The following TBC1D10B variants were observed in gnomAD, a reference collection of about 807,000 sequenced individuals.
TBC1D10B encodes the protein Rab27A-GAPbeta.
Under a neutral mutation model 78.4 loss-of-function variants are expected in TBC1D10B, and 25 were observed. The ratio of observed to expected loss-of-function variants is 0.32; its 90% CI spans 0.23 to 0.45. TBC1D10B has a LOEUF of 0.45. Ranked by LOEUF, TBC1D10B falls within the 20% of genes least tolerant of loss-of-function variation. The pLI is 1.00. For synonymous variants in TBC1D10B, 517 were observed against 478.0 expected (o/e 1.08, Z -1.06); for missense variants, 996 against 1,104.8 (o/e 0.90, Z 1.40).
intron 7 of TBC1D10B, 157 bp from the exon 8 acceptor site, chr16:30,358,974 GGATCTTGGCAGGGA>G (rs2049580593): frequency 8.1e-7 from 1 of 1,237,566 alleles, no homozygotes; most frequent in Non-Finnish European, 1.1e-6. Flanking sequence ...ATCAGTCTCA[GGATCTTGGCAGGGA>G]GAGCAGGCTC....
At position 30,369,866 on chromosome 16, in the gene TBC1D10B, G is replaced by A. The variant is rs2151103931; in HGVS notation, c.318C>T (p.Pro106=). Residue 106 remains proline, a synonymous_variant, in exon 1 of 9, where the codon CCC becomes CCT. Transcript: ENST00000409939. The surrounding 1 kb of genome is among the most constrained non-coding windows in gnomAD (Gnocchi z 4.3). ...CGGGCTCTGGGGATTCCGGGCCGGA[G>A]GGGAGCTGCGGCTTTGGGGCTTCGG... ...ASPEAPKPQL[P]SGPESPEPAA... 6 of 1,402,028 alleles carry A rather than the reference G, an allele frequency of 4.3e-6. No homozygotes were observed. Among genetic ancestry groups the A allele is most frequent in the Non-Finnish European group, 5.5e-6 (6 of 1,081,340 alleles). The allele number at this position is 1,402,028 out of a possible 1,614,324, so 86.8% of individuals were successfully genotyped here. A position where few individuals can be genotyped will look rare whatever the true frequency, so the allele number is the denominator to read the frequency against.
chr16:30,359,446 C>T (rs1431879878), intron 6 of TBC1D10B, 85 bp from the exon 7 acceptor site: 1 of 1,545,860 alleles, frequency 6.5e-7, no homozygotes, highest in Non-Finnish European at 8.8e-7. Flanking sequence ...TGGGCAGAAG[C>T]CGGGAAGGCC....
chr16:30,359,285 CGCAGGTGGCGAT>C lies in TBC1D10B; in HGVS notation c.1517_1528del (p.His506_Leu509del). The C allele has an allele frequency of 6.2e-7, 1 of 1,607,368 alleles. No individual in the cohort carries two copies. Among genetic ancestry groups the C allele is most frequent in the Non-Finnish European group, 8.5e-7 (1 of 1,177,034 alleles). On this transcript the variant is annotated inframe_deletion, in exon 7 of 9. Coordinates refer to ENST00000409939, the MANE Select transcript of TBC1D10B (RefSeq NM_015527.4). ...GAGCACAGGGTCAATGCGCTGCCGC[CGCAGGTGGCGAT>C]GCGCCAGCGGGGAGGCCCGGCGCAG...
At chr16:30,359,984 C>T in intron 4 of TBC1D10B, 143 bp from the exon 5 acceptor site, 2 of 767,350 alleles carry the variant, frequency 2.6e-6, no homozygotes, top group Non-Finnish European at 4.2e-6. Context: ...CAGCTAAAGG[C>T]TCAGCCCACA....
At chr16:30,362,535 T>TG (rs35084919) in intron 4 of TBC1D10B, among the ~76,000 whole-genome samples, 45,487 of 152,078 alleles carry the variant, frequency 0.3, 9,138 homozygotes, top group East Asian at 0.82. Flanking sequence ...GCTCAATTGT[T>TG]GGACATTTCG....
intron 1 of TBC1D10B, among the ~76,000 whole-genome samples, chr16:30,368,233 C>G (rs1259619969): frequency 6.6e-6 from 1 of 152,138 alleles, no homozygotes; most frequent in Admixed American, 6.6e-5. Context: ...GCACACATAG[C>G]CAAGACTAAA....
At chr16:30,363,488 G>A (rs1372958989) in intron 4 of TBC1D10B, among the ~76,000 whole-genome samples, 2 of 152,102 alleles carry the variant, frequency 1.3e-5, no homozygotes, top group Non-Finnish European at 2.9e-5. Flanking sequence ...AGGCACAGTG[G>A]CTCACGCCTG....
chr16:30,365,712 G>T lies in TBC1D10B; in HGVS notation c.957-118C>A. On this transcript the variant is annotated intron_variant, in intron 1 of 8. Transcript: ENST00000409939. The surrounding 1 kb of genome is among the most constrained non-coding windows in gnomAD (Gnocchi z 5.0). The stretch of plus-strand genomic sequence containing the variant: ...AAACGAGAAACTGGATAGTCTGTGA[G>T]CTGCCAAACATCAGGATGTCTGGCC... 1 of 952,070 alleles carries T rather than the reference G, an allele frequency of 1.1e-6. No homozygotes were observed. Among genetic ancestry groups the T allele is most frequent in the Non-Finnish European group, 1.6e-6 (1 of 613,034 alleles). 59.0% of individuals were successfully genotyped at this position (952,070 alleles called of 1,614,324 possible). A position where few individuals can be genotyped will look rare whatever the true frequency, so the allele number is the denominator to read the frequency against.
Position 30,370,124 on chromosome 16 carries a change from G to A in TBC1D10B, c.60C>T (p.Ala20=), listed in dbSNP as rs1430640278. 1.7e-6 allele frequency: 2 copies of A among 1,210,708 alleles called. No individual in the cohort carries two copies. Among genetic ancestry groups the A allele is most frequent in the South Asian group, 4.1e-5 (1 of 24,200 alleles). 75.0% of individuals were successfully genotyped at this position (1,210,708 alleles called of 1,614,324 possible). A position where few individuals can be genotyped will look rare whatever the true frequency, so the allele number is the denominator to read the frequency against. ...GGGAACCCCGGGGCGGCGGCGAGGG[G>A]GCCGCGGGGGCGCCATGACGGCGCG... ...APPRRHGAPA[A]PSPPPRGSRA... The change falls in exon 1 of 9, where the codon GCC becomes GCT. Residue 20 remains alanine, a synonymous_variant. Transcript: ENST00000409939.
chr16:30,362,187 G>A (rs1267143800), intron 4 of TBC1D10B, among the ~76,000 whole-genome samples: 1 of 151,784 alleles, frequency 6.6e-6, no homozygotes, highest in Non-Finnish European at 1.5e-5. Context: ...GTTTCACCAT[G>A]TTGGCCAGGC....
chr16:30,358,029 A>T lies in TBC1D10B; in HGVS notation c.2342T>A (p.Leu781Gln). The T allele has an allele frequency of 6.4e-7, 1 of 1,551,800 alleles. No homozygotes were observed. Among genetic ancestry groups the T allele is most frequent in the Non-Finnish European group, 8.7e-7 (1 of 1,147,002 alleles). ...TGGGGGCCCATCTGCCTTTCGACGCAGCGAAAGCTTCCGGCCTTGAGCCTT... is the reference window on the plus strand; with the variant it reads ...TGGGGGCCCATCTGCCTTTCGACGCTGCGAAAGCTTCCGGCCTTGAGCCTT... ...EKKAQGRKLS[L>Q]RRKADGPPGP... Residue 781 changes from leucine (L) to glutamine (Q), a missense_variant, in exon 9 of 9, where the codon CTG becomes CAG. Leu to Gln is a moderately radical substitution (Grantham distance 113). This residue lies in a region of TBC1D10B where 285 missense variants were observed against 252.5 expected (regional missense o/e 1.13). Transcript: ENST00000409939.
chr16:30,359,513 A>T, intron 6 of TBC1D10B, 25 bp downstream of exon 6: 1 of 1,554,654 alleles, frequency 6.4e-7, no homozygotes, highest in Non-Finnish European at 8.7e-7. Flanking sequence ...ACAGCCCCGG[A>T]TGCACCCAGC....
Position 30,365,255 on chromosome 16 carries a change from A to T in TBC1D10B, c.1057-43T>A, listed in dbSNP as rs774328129. The T allele has an allele frequency of 6.4e-7, 1 of 1,557,816 alleles. No individual in the cohort carries two copies. The highest frequency in any genetic ancestry group is 8.8e-7 in the Non-Finnish European group (1 of 1,130,694). ...GAGGGGGACAGCTTCAAGGGCTGGC[A>T]CAGCCTCCAACCTTTCCCCAGCAGT... On this transcript the variant is annotated intron_variant, in intron 2 of 8. Coordinates refer to ENST00000409939, the MANE Select transcript of TBC1D10B (RefSeq NM_015527.4). This position sits in a 1 kb window ranked among gnomAD's most constrained non-coding sequence, Gnocchi z 5.0.
In TBC1D10B at chr16:30,370,013, C is replaced by G. The variant is rs971742164; in HGVS notation, c.171G>C (p.Glu57Asp). The G allele has an allele frequency of 8.1e-7, 1 of 1,232,502 alleles. No individual in the cohort carries two copies. The highest frequency in any genetic ancestry group is 1.6e-5 in the African/African-American group (1 of 64,290). 76.3% of individuals were successfully genotyped at this position (1,232,502 alleles called of 1,614,324 possible). ...ACCCCGGGACCCAGGCGGGCCGCGCCTCCCCGGGGGCCACCAGGGTGACGG... is the reference window on the plus strand; with the variant it reads ...ACCCCGGGACCCAGGCGGGCCGCGCGTCCCCGGGGGCCACCAGGGTGACGG... ...SAPVTLVAPG[E>D]ARPAWVPGSA... The change falls in exon 1 of 9, where the codon GAG becomes GAC. Residue 57 changes from glutamate (E) to aspartate (D), a missense_variant. By Grantham distance (45) the Glu-to-Asp change is conservative. Around this residue, in one of 5 missense-constraint regions of TBC1D10B, gnomAD observed 448 missense variants for 442.1 expected, o/e 1.01. Coordinates refer to ENST00000409939, the MANE Select transcript of TBC1D10B (RefSeq NM_015527.4).
rs2151102279 is a variant in TBC1D10B at position 30,365,117 on chromosome 16, T to C, written c.1152A>G (p.Pro384=). The change falls in exon 3 of 9, where the codon CCA becomes CCG. Residue 384 remains proline (P), a synonymous_variant. Coordinates refer to ENST00000409939, the MANE Select transcript of TBC1D10B (RefSeq NM_015527.4). This position sits in a 1 kb window ranked among gnomAD's most constrained non-coding sequence, Gnocchi z 5.0. The stretch of plus-strand genomic sequence containing the variant: ...GAGCTGCACGCACCTCAAACTTTCC[T>C]GGGTTCTGCTCCAGAAGTTCCTTGC... The part of the protein sequence containing the change: ...SNSKELLEQN[P]GKFEELERAP... 6.2e-7 allele frequency: 1 copy of C among 1,613,988 alleles called. No homozygotes were observed. The highest frequency in any genetic ancestry group is 8.5e-7 in the Non-Finnish European group (1 of 1,179,870).
At chr16:30,362,762 G>A (rs1382124484) in intron 4 of TBC1D10B, among the ~76,000 whole-genome samples, 1 of 152,184 alleles carries the variant, frequency 6.6e-6, no homozygotes, top group African/African-American at 2.4e-5. Context: ...TCCCTGCCGG[G>A]CATGGAGACT....
Position 30,357,712 on chromosome 16 carries a change from C to G in TBC1D10B, c.*232G>C. On this transcript the variant is annotated 3_prime_UTR_variant, in exon 9 of 9. Transcript: ENST00000409939. ...GACCCAGAGGGAACTGGGGCAGGAG[C>G]GACAGAGACCCCAGCTGAGCCTCAT... 1.6e-6 allele frequency: 1 copy of G among 639,190 alleles called. No individual in the cohort carries two copies. The allele number at this position is 639,190 out of a possible 1,614,324, so 39.6% of individuals were successfully genotyped here. A position where few individuals can be genotyped will look rare whatever the true frequency, so the allele number is the denominator to read the frequency against.
intron 6 of TBC1D10B, 26 bp from the exon 7 acceptor site, chr16:30,359,387 G>T (rs1188227645): frequency 6.4e-7 from 1 of 1,555,360 alleles, no homozygotes; most frequent in Non-Finnish European, 8.7e-7. Flanking sequence ...GCCATGAGAA[G>T]AGGGCCAAGT....
chr16:30,361,230 T>A (rs1490499729), intron 4 of TBC1D10B, among the ~76,000 whole-genome samples: 3 of 151,830 alleles, frequency 2.0e-5, no homozygotes, highest in African/African-American at 7.3e-5. Context: ...GAGGCAGAGG[T>A]TGCAGTGAGC....
Sources: allele counts gnomAD v4.1 joint callset (sites outside exome capture counted in the v4.1 genomes callset), GRCh38; gene constraint gnomAD v4.1.1; regional missense constraint gnomAD v4.1.1; non-coding constraint Gnocchi (gnomAD v3.1); transcripts MANE v1.5; gene names NCBI Gene and HGNC (gene_info 2026-07-23, HGNC 2026-07-21).